CCSER1: variants seen among roughly 807,000 people sequenced by gnomAD.
CCSER1 encodes serine-rich coiled-coil domain-containing protein 1.
A neutral mutation model predicts 82.0 loss-of-function variants in CCSER1; 41 were observed. The ratio of observed to expected loss-of-function variants is 0.50; its 90% confidence interval spans 0.39 to 0.65. The LOEUF (loss-of-function observed/expected upper bound fraction) is 0.65, where lower values mean the gene tolerates loss of function less well. Ranked by LOEUF, CCSER1 falls within the 30% of genes least tolerant of loss-of-function variation. CCSER1 has a pLI of 0.00. For missense variants in CCSER1, 1,119 were observed against 1,064.2 expected (o/e 1.05, Z -0.72); for synonymous variants, 414 against 383.9 (o/e 1.08, Z -0.92).
intron 8 of CCSER1, among the ~76,000 whole-genome samples, chr4:90,845,487 A>G (rs1424354814): frequency 6.6e-6 from 1 of 152,164 alleles, no homozygotes; most frequent in Admixed American, 6.6e-5. Flanking sequence ...AAAATTGACA[A>G]TCATTTTTTT....
At chr4:91,235,467 A>C (rs1173815576) in intron 10 of CCSER1, among the ~76,000 whole-genome samples, 2 of 152,178 alleles carry the variant, frequency 1.3e-5, no homozygotes, top group Admixed American at 1.3e-4. Context: ...TTTGATAATT[A>C]TGCATTTTTG....
intron 10 of CCSER1, among the ~76,000 whole-genome samples, chr4:91,429,667 CT>C (rs1029425684): frequency 2.6e-5 from 4 of 151,852 alleles, no homozygotes; most frequent in African/African-American, 9.7e-5. Context: ...ACAAACTTTA[CT>C]GATATTTATG....
intron 8 of CCSER1, among the ~76,000 whole-genome samples, chr4:90,903,050 T>A (rs1210353837): frequency 6.6e-6 from 1 of 152,116 alleles, no homozygotes; most frequent in Non-Finnish European, 1.5e-5. Context: ...ACCCTTTGGC[T>A]GCTACCACCG....
At chr4:91,540,538 A>G (rs1761534060) in intron 10 of CCSER1, among the ~76,000 whole-genome samples, 1 of 152,116 alleles carries the variant, frequency 6.6e-6, no homozygotes, top group Non-Finnish European at 1.5e-5. Context: ...TCTTTTGCAA[A>G]GCAAAAGTTT....
chr4:90,235,381 C>T (rs967719961), intron 1 of CCSER1: 8 of 152,248 alleles, frequency 5.3e-5, no homozygotes, highest in Non-Finnish European at 7.3e-5. Context: ...GACAACTGGC[C>T]TTGAACCAAA....
At chr4:91,538,435 C>A (rs141510859) in intron 10 of CCSER1, among the ~76,000 whole-genome samples, 1 of 150,536 alleles carries the variant, frequency 6.6e-6, no homozygotes, top group African/African-American at 2.4e-5. Context: ...TCTTCATGAC[C>A]AAAAAAATAA....
chr4:90,791,030 GTTCTGCA>G (rs1248298419), intron 7 of CCSER1, among the ~76,000 whole-genome samples: 1 of 152,208 alleles, frequency 6.6e-6, no homozygotes, highest in African/African-American at 2.4e-5. Flanking sequence ...TTGATCCACA[GTTCTGCA>G]TTGCTGTGGG....
intron 10 of CCSER1, among the ~76,000 whole-genome samples, chr4:91,582,891 A>T (rs568392893): frequency 1.7e-4 from 25 of 151,424 alleles, no homozygotes; most frequent in Non-Finnish European, 3.1e-4. Flanking sequence ...TGGTCCCATA[A>T]ATATTTATTT....
chr4:91,374,760 C>G (rs1750282909), intron 10 of CCSER1, among the ~76,000 whole-genome samples: 2 of 152,190 alleles, frequency 1.3e-5, no homozygotes, highest in African/African-American at 4.8e-5. Context: ...CTTTGGGAGG[C>G]CGAGGTGGGT....
chr4:90,667,077 G>A (rs1263331980), intron 6 of CCSER1, among the ~76,000 whole-genome samples: 2 of 152,210 alleles, frequency 1.3e-5, no homozygotes, highest in East Asian at 1.9e-4. Flanking sequence ...ACACCGAATC[G>A]ACTTCAGGTT....
intron 7 of CCSER1, among the ~76,000 whole-genome samples, chr4:90,754,799 A>G (rs1749230868): frequency 6.6e-6 from 1 of 152,186 alleles, no homozygotes; most frequent in Admixed American, 6.5e-5. Context: ...AAAAACAGAA[A>G]ATAACAGTAT....
intron 9 of CCSER1, among the ~76,000 whole-genome samples, chr4:91,078,422 G>C (rs959856099): frequency 4.6e-5 from 7 of 152,206 alleles, no homozygotes; most frequent in Non-Finnish European, 1.0e-4. Context: ...AACCCCATCT[G>C]TACGTCACCA....
intron 10 of CCSER1, among the ~76,000 whole-genome samples, chr4:91,432,437 AATAT>A (rs1754383935): frequency 6.6e-6 from 1 of 152,176 alleles, no homozygotes. Flanking sequence ...ATATTCAATA[AATAT>A]ATAGATTTAT....
At chr4:91,483,625 G>A (rs938172064) in intron 10 of CCSER1, among the ~76,000 whole-genome samples, 3 of 151,836 alleles carry the variant, frequency 2.0e-5, no homozygotes, top group Non-Finnish European at 2.9e-5. Flanking sequence ...TAATAGAGAC[G>A]GGATTTCACC....
At chr4:91,554,460 A>G (rs972293805) in intron 10 of CCSER1, among the ~76,000 whole-genome samples, 1 of 151,372 alleles carries the variant, frequency 6.6e-6, no homozygotes, top group Non-Finnish European at 1.5e-5. Context: ...AATAGCACAA[A>G]AAAATCTTAA....
At chr4:90,270,524 C>A (rs556065931) in intron 1 of CCSER1, among the ~76,000 whole-genome samples, 4 of 151,870 alleles carry the variant, frequency 2.6e-5, no homozygotes, top group Admixed American at 2.6e-4. Context: ...TGTGATAGAC[C>A]CAGAGCTAGT....
chr4:91,463,022 C>G (rs1319075353), intron 10 of CCSER1, among the ~76,000 whole-genome samples: 2 of 152,192 alleles, frequency 1.3e-5, no homozygotes, highest in African/African-American at 4.8e-5. Context: ...GTTCTCCCAG[C>G]ATGCAGCTGG....
chr4:90,165,317 G>T (rs1181361289), intron 1 of CCSER1, among the ~76,000 whole-genome samples: 1 of 152,026 alleles, frequency 6.6e-6, no homozygotes, highest in Admixed American at 6.6e-5. Context: ...ATTGATTCAT[G>T]TTCTTCAAAA....
chr4:91,181,330 A>G (rs1473511202), intron 10 of CCSER1, among the ~76,000 whole-genome samples: 3 of 152,240 alleles, frequency 2.0e-5, no homozygotes. Context: ...ATCATCATTG[A>G]AATCACAGAA....
Sources: gnomAD v4.1 joint callset for allele counts (sites outside exome capture counted in the v4.1 genomes callset) on GRCh38, gnomAD v4.1.1 for gene constraint, MANE v1.5 for transcripts, NCBI Gene and HGNC (gene_info 2026-07-23, HGNC 2026-07-21) for gene names.